SETDB2: variants seen among roughly 807,000 people sequenced by gnomAD.
The protein encoded by SETDB2 is SET domain bifurcated histone lysine methyltransferase 2, also known as histone-lysine N-methyltransferase SETDB2.
Under a neutral mutation model 82.5 loss-of-function variants are expected in SETDB2, and 56 were observed. That is an observed-to-expected ratio of 0.68 (90% CI 0.55 to 0.85). The LOEUF is 0.85. Among genes scored for constraint, SETDB2 ranks in the 40% least tolerant of loss-of-function variants. The pLI is 0.00. For missense variants in SETDB2, 677 were observed against 816.4 expected, an observed-to-expected ratio of 0.83 and a Z score of 2.08; for synonymous variants, 272 against 284.9, an observed-to-expected ratio of 0.95 and a Z score of 0.46.
chr13:49,464,138 C>T, intron 4 of SETDB2: 3 of 747,600 alleles, frequency 4.0e-6, no homozygotes. Context: ...CACATGACTT[C>T]AAAGATAAAT....
chr13:49,452,953 G>A lies in SETDB2; in HGVS notation c.16+1044G>A, dbSNP rs145718255. ...GCTTGAGCTGGCTAATGTAGGTGGT[G>A]GTATCAAATTTCTCCACTGTAAAGT... On this transcript the variant is annotated intron_variant, in intron 2 of 13. Coordinates refer to ENST00000611815, the MANE Select transcript of SETDB2 (RefSeq NM_001160308.3). Among the ~76,000 whole-genome samples, 157 of 152,104 alleles carry A rather than the reference G, an allele frequency of 1.0e-3. 1 individual carries two copies. The highest frequency in any genetic ancestry group is 3.6e-3 in the African/African-American group (148 of 41,482).
chr13:49,459,998 G>T, intron 2 of SETDB2, 109 bp from the exon 3 acceptor site: 1 of 1,067,828 alleles, frequency 9.4e-7, no homozygotes. Context: ...TAGACCAGAT[G>T]AGTCTTGATC....
chr13:49,490,355 G>A (rs1179419464), intron 12 of SETDB2, among the ~76,000 whole-genome samples: 1 of 143,160 alleles, frequency 7.0e-6, no homozygotes, highest in Non-Finnish European at 1.5e-5. Context: ...GTTTTTATTT[G>A]TATGCTTTTG....
intron 5 of SETDB2, among the ~76,000 whole-genome samples, chr13:49,470,520 A>G (rs1301545655): frequency 3.3e-5 from 5 of 151,544 alleles, no homozygotes; most frequent in Non-Finnish European, 7.4e-5. Context: ...AACATTCAAT[A>G]ACTTAAGCCA....
intron 9 of SETDB2, 119 bp downstream of exon 9, chr13:49,483,081 T>C (rs2138970579): frequency 7.3e-6 from 5 of 688,518 alleles, no homozygotes; most frequent in Non-Finnish European, 1.2e-5. Flanking sequence ...GCTTCAAAGT[T>C]GTTAAGTCTA....
In SETDB2 at chr13:49,463,699, G is replaced by A. The variant is rs1387097782; in HGVS notation, c.208+2537G>A. On this transcript the variant is annotated intron_variant, in intron 4 of 13. Coordinates refer to ENST00000611815, the MANE Select transcript of SETDB2 (RefSeq NM_001160308.3). ...GCCCAGGTGGCCATAATTCAGGCCT[G>A]CTCAGATGGCTCATGACCTTCACTC... Among the ~76,000 whole-genome samples, 3 of 152,132 alleles carry A rather than the reference G, an allele frequency of 2.0e-5. No homozygotes were observed. The East Asian group carries it at 5.8e-4, about 29-fold the overall frequency.
intron 12 of SETDB2, among the ~76,000 whole-genome samples, chr13:49,489,664 T>A (rs1335935676): frequency 6.9e-6 from 1 of 145,064 alleles, no homozygotes; most frequent in Non-Finnish European, 1.5e-5. Flanking sequence ...TGGTGTGATC[T>A]CGGCCCACTG....
rs1400616132 is a variant in SETDB2 at position 49,474,901 on chromosome 13, C to T, written c.306-1575C>T. ...GCTACATTTAAAAGTGCTCAGTAAC[C>T]ACATGTGCCCACTGGCTACCATATC... On this transcript the variant is annotated intron_variant, in intron 5 of 13. Transcript: ENST00000611815. 2.0e-5 allele frequency among the ~76,000 whole-genome samples: 3 copies of T among 152,192 alleles called. No individual in the cohort carries two copies. In the East Asian group the frequency reaches 5.8e-4, roughly 29 times the overall value.
intron 12 of SETDB2, among the ~76,000 whole-genome samples, chr13:49,489,596 CTTTTT>C (rs58715452): frequency 7.0e-5 from 7 of 100,570 alleles, no homozygotes; most frequent in African/African-American, 1.2e-4. Context: ...CATATTTATT[CTTTTT>C]TTTTTTTTTT....
At chr13:49,469,400 G>C (rs1958182636) in intron 5 of SETDB2, among the ~76,000 whole-genome samples, 1 of 152,192 alleles carries the variant, frequency 6.6e-6, no homozygotes, top group South Asian at 2.1e-4. Context: ...CTGTGGCATT[G>C]CCAGACATTA....
intron 5 of SETDB2, among the ~76,000 whole-genome samples, chr13:49,474,961 A>G (rs1325136135): frequency 6.6e-6 from 1 of 152,228 alleles, no homozygotes; most frequent in African/African-American, 2.4e-5. Flanking sequence ...CTATCAATGG[A>G]GGAAGTTTTT....
Position 49,476,814 on chromosome 13 carries a change from A to G in SETDB2, c.644A>G (p.Tyr215Cys), listed in dbSNP as rs536263204. The G allele has an allele frequency of 5.0e-6, 8 of 1,613,972 alleles. No homozygotes were observed. Among genetic ancestry groups the G allele is most frequent in the East Asian group, 2.2e-5 (1 of 44,882 alleles). The change falls in exon 6 of 14, where the codon TAT (tyrosine) becomes TGT (cysteine). Residue 215 changes from tyrosine to cysteine, a missense_variant. This residue lies in a region of SETDB2 where 243 missense variants were observed against 237.2 expected (regional missense o/e 1.02). Coordinates refer to ENST00000611815, the MANE Select transcript of SETDB2 (RefSeq NM_001160308.3). The stretch of plus-strand genomic sequence containing the variant: ...ACAGATAACTTTTCTTTCAATACCT[A>G]TGTTCAGTTGGCTCGGAATTACCCA... ...LFTDNFSFNT[Y>C]VQLARNYPKQ...
In SETDB2 at chr13:49,490,964, A is replaced by G; in HGVS notation, c.2006+54A>G. 3 of 1,434,550 alleles carry G rather than the reference A, an allele frequency of 2.1e-6. No homozygotes were observed. The South Asian group carries it at 3.5e-5, about 17-fold the overall frequency. The allele number at this position is 1,434,550 out of a possible 1,614,324, so 88.9% of individuals were successfully genotyped here. Reference sequence around the variant, plus strand: ...CTGAAATTGTGACTTTAAAAATAACAATAGAGGGCTGAGTGCTGTGGCTCA... The same window carrying G: ...CTGAAATTGTGACTTTAAAAATAACGATAGAGGGCTGAGTGCTGTGGCTCA... On this transcript the variant is annotated intron_variant, in intron 13 of 13. Transcript: ENST00000611815.
At chr13:49,474,089 CT>C (rs1201478087) in intron 5 of SETDB2, among the ~76,000 whole-genome samples, 2 of 152,200 alleles carry the variant, frequency 1.3e-5, no homozygotes, top group African/African-American at 4.8e-5. Context: ...TGGCAAAACC[CT>C]GTCTGTACTA....
chr13:49,456,427 T>C (rs1485527733), intron 2 of SETDB2, among the ~76,000 whole-genome samples: 1 of 152,116 alleles, frequency 6.6e-6, no homozygotes, highest in East Asian at 1.9e-4. Flanking sequence ...GCCTCATGGT[T>C]ATAGTCTTGC....
intron 5 of SETDB2, among the ~76,000 whole-genome samples, chr13:49,476,230 G>C (rs1958357712): frequency 6.6e-6 from 1 of 152,152 alleles, no homozygotes; most frequent in Non-Finnish European, 1.5e-5. Context: ...AGGCTGCTCT[G>C]TGCTGTGATC....
At chr13:49,488,118 T>C in intron 11 of SETDB2, 172 bp from the exon 12 acceptor site, 2 of 604,294 alleles carry the variant, frequency 3.3e-6, no homozygotes, top group Non-Finnish European at 4.1e-6. Flanking sequence ...GTCAGATGAA[T>C]TCCTTAATCC....
At chr13:49,465,661 C>A (rs1235132268) in intron 4 of SETDB2, among the ~76,000 whole-genome samples, 1 of 152,010 alleles carries the variant, frequency 6.6e-6, no homozygotes, top group East Asian at 1.9e-4. Context: ...CTCAGCCTCT[C>A]GAGTAGCTGG....
chr13:49,471,935 T>TATA (rs561242564), intron 5 of SETDB2, among the ~76,000 whole-genome samples: 18,022 of 98,378 alleles, frequency 0.18, 1,577 homozygotes, highest in Non-Finnish European at 0.22. Context: ...TATATATATA[T>TATA]TTTTTTTTTT....
Sources: allele counts gnomAD v4.1 joint callset (sites outside exome capture counted in the v4.1 genomes callset), GRCh38; gene constraint gnomAD v4.1.1; regional missense constraint gnomAD v4.1.1; transcripts MANE v1.5; gene names NCBI Gene and HGNC (gene_info 2026-07-23, HGNC 2026-07-21).